RABGAP1: variants seen among roughly 807,000 people sequenced by gnomAD.
RABGAP1 encodes the protein rab GTPase-activating protein 1.
Under a neutral mutation model 137.6 loss-of-function variants are expected in RABGAP1, and 23 were observed. That is an observed-to-expected ratio of 0.17 (90% CI 0.12 to 0.24). RABGAP1 has a LOEUF of 0.24. Among genes scored for constraint, RABGAP1 ranks in the 10% least tolerant of loss-of-function variants. The pLI is 1.00. For synonymous variants in RABGAP1, 451 were observed against 450.7 expected, an observed-to-expected ratio of 1.00 and a Z score of -0.01; for missense variants, 906 against 1,275.8, an observed-to-expected ratio of 0.71 and a Z score of 4.42.
rs1032706998 is a variant in RABGAP1, at chr9:123,070,316, C to T, written c.1909-34C>T. 3 of 1,612,978 alleles carry T rather than the reference C, an allele frequency of 1.9e-6. No homozygotes were observed. Among genetic ancestry groups the T allele is most frequent in the East Asian group, 2.2e-5 (1 of 44,864 alleles). On this transcript the variant is annotated intron_variant, in intron 14 of 25. Transcript: ENST00000373647. The surrounding 1 kb of genome is among the most constrained non-coding windows in gnomAD (Gnocchi z 4.4). ...ACCATGGCCCACAAGTGGCTACATT[C>T]ATTTACATTTCCTCTGTGTGTTTTA... is the stretch of plus-strand genomic sequence containing the variant.
At chr9:123,006,922 A>G (rs909339261) in intron 10 of RABGAP1, among the ~76,000 whole-genome samples, 2 of 151,820 alleles carry the variant, frequency 1.3e-5, no homozygotes, top group African/African-American at 2.4e-5. Flanking sequence ...TGTAGACTTT[A>G]TAATATGTTT....
At chr9:122,958,732 G>C (rs1400560198) in intron 2 of RABGAP1, among the ~76,000 whole-genome samples, 1 of 152,136 alleles carries the variant, frequency 6.6e-6, no homozygotes, top group African/African-American at 2.4e-5. Context: ...AAACTTGCCA[G>C]GTGTTGTGGC....
At chr9:123,028,753 G>A (rs1003951107) in intron 13 of RABGAP1, among the ~76,000 whole-genome samples, 1 of 152,144 alleles carries the variant, frequency 6.6e-6, no homozygotes, top group Non-Finnish European at 1.5e-5. Context: ...ATGCAAAGTG[G>A]TTTCCATCTA....
In RABGAP1 at chr9:123,096,287, G is replaced by A. The variant is rs541326860; in HGVS notation, c.2629-1454G>A. ...AAGGGTATTACCAAGGACAAAGAGG[G>A]ACATTTCATAATGATAAAAGAGTCA... On this transcript the variant is annotated intron_variant, in intron 21 of 25. Transcript: ENST00000373647. Among the ~76,000 whole-genome samples, 4 of 152,288 alleles carry A rather than the reference G, an allele frequency of 2.6e-5. 1 individual carries two copies. The South Asian group carries it at 8.3e-4, about 32-fold the overall frequency.
At chr9:122,934,797 C>T in the RABGAP1 span, among the ~76,000 whole-genome samples, 1 of 152,166 alleles carries the variant, frequency 6.6e-6, no homozygotes, top group Non-Finnish European at 1.5e-5. Context: ...TTCTCTTTCT[C>T]AGCCTCCAGA....
At chr9:123,016,121 C>T (rs567138432) in intron 12 of RABGAP1, among the ~76,000 whole-genome samples, 11 of 152,138 alleles carry the variant, frequency 7.2e-5, no homozygotes, top group Admixed American at 2.6e-4. Flanking sequence ...TTCCTACTAA[C>T]ACTTACAAAT....
chr9:123,033,776 C>A (rs1333942247), intron 13 of RABGAP1: 2 of 152,188 alleles, frequency 1.3e-5, no homozygotes. Flanking sequence ...ACAGTAAATT[C>A]TGTTGAAATG....
intron 6 of RABGAP1, chr9:122,990,910 ATTTACT>A (rs1487317359): frequency 1.5e-5 from 2 of 130,238 alleles, no homozygotes; most frequent in East Asian, 2.3e-4. Context: ...TAGTTGGTTG[ATTTACT>A]TATATTAATA....
At chr9:123,019,570 C>T (rs1210585820) in intron 12 of RABGAP1, among the ~76,000 whole-genome samples, 1 of 152,154 alleles carries the variant, frequency 6.6e-6, no homozygotes. Flanking sequence ...CCACCTTGGC[C>T]TCTCAAAGCA....
chr9:123,001,381 G>A (rs893776252), intron 10 of RABGAP1, among the ~76,000 whole-genome samples: 1 of 152,166 alleles, frequency 6.6e-6, no homozygotes, highest in Non-Finnish European at 1.5e-5. Context: ...TAAAATGAAA[G>A]TGTATGTGGG....
At chr9:122,932,978 T>C in the RABGAP1 span, among the ~76,000 whole-genome samples, 1 of 152,358 alleles carries the variant, frequency 6.6e-6, no homozygotes, top group South Asian at 2.1e-4. Context: ...TTGTAAAATA[T>C]TATGAAACTT....
chr9:122,952,193 C>T (rs557195341), intron 1 of RABGAP1, among the ~76,000 whole-genome samples: 8 of 152,218 alleles, frequency 5.3e-5, no homozygotes, highest in African/African-American at 9.6e-5. Flanking sequence ...AGGCTGGGTA[C>T]GGCAGTTTAT....
intron 10 of RABGAP1, among the ~76,000 whole-genome samples, chr9:123,001,478 G>A (rs1007067256): frequency 1.3e-5 from 2 of 152,112 alleles, no homozygotes; most frequent in Non-Finnish European, 1.5e-5. Flanking sequence ...TAGCCCTATT[G>A]GGTATATTTA....
In RABGAP1 at chr9:122,973,387, C is replaced by T. The variant is rs371666436; in HGVS notation, c.151-11098C>T. ...CAGTAGCTGGGACTACAGGCGCCCA[C>T]CACCATGCCCGGCTAATTTTTTGTA... On this transcript the variant is annotated intron_variant, in intron 2 of 25. Coordinates refer to ENST00000373647, the MANE Select transcript of RABGAP1 (RefSeq NM_012197.4). Among the ~76,000 whole-genome samples, 15 of 152,188 alleles carry T rather than the reference C, an allele frequency of 9.9e-5. No homozygotes were observed. The East Asian group carries it at 1.9e-3, about 20-fold the overall frequency.
At chr9:123,036,004 T>C (rs751997216) in intron 13 of RABGAP1, among the ~76,000 whole-genome samples, 13 of 152,238 alleles carry the variant, frequency 8.5e-5, no homozygotes, top group Non-Finnish European at 1.6e-4. Context: ...CTTGTCACTT[T>C]CTGGGCTCTT....
chr9:122,955,582 TA>T (rs1834471751), intron 1 of RABGAP1, among the ~76,000 whole-genome samples: 2 of 152,236 alleles, frequency 1.3e-5, no homozygotes, highest in Admixed American at 1.3e-4. Flanking sequence ...TAAATGACCT[TA>T]CTTCTCTTGG....
rs762566205 is a variant in RABGAP1, at chr9:123,090,354, G to C, written c.2597G>C (p.Ser866Thr). Residue 866 changes from serine to threonine, a missense_variant, in exon 21 of 26, where the codon AGC becomes ACC. This residue lies in a region of RABGAP1 where 193 missense variants were observed against 248.1 expected (regional missense o/e 0.78). Transcript: ENST00000373647. ...GACTTAGCCCATGAGCTGGTGACCA[G>C]CAAGATTGCACTACGGAAGGACCTG... The part of the protein sequence containing the change: ...NDDLAHELVT[S>T]KIALRKDLDN... 6.2e-7 allele frequency: 1 copy of C among 1,612,970 alleles called. No homozygotes were observed. Among genetic ancestry groups the C allele is most frequent in the East Asian group, 2.2e-5 (1 of 44,868 alleles).
chr9:122,998,046 C>T (rs1418364078), intron 9 of RABGAP1, among the ~76,000 whole-genome samples: 1 of 152,064 alleles, frequency 6.6e-6, no homozygotes, highest in East Asian at 1.9e-4. Context: ...GCCACTTGTG[C>T]AGAACAATCT....
At position 123,103,551 on chromosome 9, in the gene RABGAP1, T is replaced by G. The variant is rs1279363478; in HGVS notation, c.*338T>G. The G allele has an allele frequency of 1.4e-5, 2 of 146,294 alleles. No individual in the cohort carries two copies. Among genetic ancestry groups the G allele is most frequent in the African/African-American group, 5.1e-5 (2 of 39,426 alleles). 9.1% of individuals were successfully genotyped at this position (146,294 alleles called of 1,614,324 possible). A position where few individuals can be genotyped will look rare whatever the true frequency, so the allele number is the denominator to read the frequency against. On this transcript the variant is annotated 3_prime_UTR_variant, in exon 26 of 26. Transcript: ENST00000373647. ...ATCAGAGTTAGGGGATCCTTCAGTCTGTTGATTTTTTTTCTAAACCTTTTT... is the reference window on the plus strand; with the variant it reads ...ATCAGAGTTAGGGGATCCTTCAGTCGGTTGATTTTTTTTCTAAACCTTTTT...
Sources: allele counts gnomAD v4.1 joint callset (sites outside exome capture counted in the v4.1 genomes callset), GRCh38; gene constraint gnomAD v4.1.1; regional missense constraint gnomAD v4.1.1; non-coding constraint Gnocchi (gnomAD v3.1); transcripts MANE v1.5; gene names NCBI Gene and HGNC (gene_info 2026-07-23, HGNC 2026-07-21).